The following LAS1L variants were observed in gnomAD, a reference collection of about 807,000 sequenced individuals.
The protein encoded by LAS1L is ribosomal biogenesis protein LAS1L.
LAS1L carries 5 observed loss-of-function variants against 57.3 expected under a neutral mutation model. The ratio of observed to expected loss-of-function variants is 0.09; its 90% CI spans 0.05 to 0.18. The LOEUF (loss-of-function observed/expected upper bound fraction) is 0.18, where lower values mean the gene tolerates loss of function less well. Among genes scored for constraint, LAS1L ranks in the 10% least tolerant of loss-of-function variants. The probability of loss-of-function intolerance (pLI) is 1.00; values close to 1 mark genes in which losing one functional copy is unlikely to be tolerated. For missense variants in LAS1L, 360 were observed against 568.3 expected (o/e 0.63, Z 3.73); for synonymous variants, 245 against 231.7 (o/e 1.06, Z -0.52).
rs766096009 is a variant in LAS1L, at chrX:65,523,952, C to T, written c.1300+104G>A. ...CTTGGGCAAACCTAAACCTTTAACA[C>T]GGGAGGTGTTTGCCTGGTGCTTCTT... is the stretch of plus-strand genomic sequence containing the variant. On this transcript the variant is annotated intron_variant, in intron 10 of 13. Coordinates refer to ENST00000374811, the MANE Select transcript of LAS1L (RefSeq NM_031206.7). 43 of 839,647 alleles carry T rather than the reference C, an allele frequency of 5.1e-5. No homozygotes were observed. In the African/African-American group the frequency reaches 6.5e-4, roughly 13 times the overall value. 69.2% of individuals were successfully genotyped at this position (839,647 alleles called of 1,213,427 possible). A position where few individuals can be genotyped will look rare whatever the true frequency, so the allele number is the denominator to read the frequency against.
At chrX:65,527,073 G>A (rs1178777616) in intron 7 of LAS1L, among the ~76,000 whole-genome samples, 1 of 106,122 alleles carries the variant, frequency 9.4e-6, no homozygotes, top group Non-Finnish European at 1.9e-5. Flanking sequence ...TTAGCCAGGT[G>A]TGGTGGTACG....
chrX:65,525,748 C>CAAAAAAAAAAAAAAAAAAAAA lies in LAS1L; in HGVS notation c.957-699_957-698insTTTTTTTTTTTTTTTTTTTTT, dbSNP rs772564998. ...AGGTCTTCACCAAGGTCTGATTTTT[C>CAAAAAAAAAAAAAAAAAAAAA]AAAAAAAAAAAAAAAAAAAAGAAAG... On this transcript the variant is annotated intron_variant, in intron 7 of 13. Transcript: ENST00000374811. Among the ~76,000 whole-genome samples the CAAAAAAAAAAAAAAAAAAAAA allele has an allele frequency of 1.9e-3, 73 of 38,217 alleles. 2 individuals are homozygous for CAAAAAAAAAAAAAAAAAAAAA. The highest frequency in any genetic ancestry group is 0.021 in the Middle Eastern group (1 of 47). The allele number at this position is 38,217 out of a possible 115,157, so 33.2% of individuals were successfully genotyped here. A position where few individuals can be genotyped will look rare whatever the true frequency, so the allele number is the denominator to read the frequency against.
At chrX:65,524,832 T>G (rs769913449) in intron 8 of LAS1L, 133 bp downstream of exon 8, 1 of 426,404 alleles carries the variant, frequency 2.3e-6, no homozygotes, top group African/African-American at 2.9e-5. Context: ...CCAGGAAGGC[T>G]GAGGGACTTT....
intron 4 of LAS1L, among the ~76,000 whole-genome samples, chrX:65,530,976 C>T (rs1052078104): frequency 3.6e-5 from 4 of 110,980 alleles, no homozygotes; most frequent in African/African-American, 1.3e-4. Context: ...GGGTGAGACT[C>T]GTCTCAAAAC....
intron 5 of LAS1L, 69 bp downstream of exon 5, chrX:65,529,524 TA>T: frequency 9.5e-7 from 1 of 1,056,984 alleles, no homozygotes; most frequent in Non-Finnish European, 1.3e-6. Context: ...GCCAGGGAAA[TA>T]AACAGCGTTA....
chrX:65,517,321 C>T lies in LAS1L; in HGVS notation c.1927+666G>A, dbSNP rs779259261. ...GAAGTGCAGTGGCGCGATCTCGGCT[C>T]ACTGCAAGCTCCACCTCCCAGGTTC... On this transcript the variant is annotated intron_variant, in intron 12 of 13. Transcript: ENST00000374811. 3.7e-5 allele frequency among the ~76,000 whole-genome samples: 4 copies of T among 107,035 alleles called. No individual in the cohort carries two copies. In the East Asian group the frequency reaches 1.2e-3, roughly 31 times the overall value. 92.9% of individuals were successfully genotyped at this position (107,035 alleles called of 115,157 possible). A position where few individuals can be genotyped will look rare whatever the true frequency, so the allele number is the denominator to read the frequency against.
At chrX:65,518,549 C>CT (rs1470575884) in intron 11 of LAS1L, 84 bp from the exon 12 acceptor site, 1 of 1,097,458 alleles carries the variant, frequency 9.1e-7, no homozygotes, top group African/African-American at 1.9e-5. Flanking sequence ...TGAACTTGGT[C>CT]TCTGAACTTC....
rs1410871672 is a variant in LAS1L, at chrX:65,528,268, G to A, written c.948C>T (p.Cys316=). The change falls in exon 7 of 14, where the codon TGC becomes TGT. Residue 316 remains cysteine, a synonymous_variant. Transcript: ENST00000374811. The part of the protein sequence containing the change: ...CVLAELKGVT[C]ENREAVLDAF... ...GTTACCTAGTTACACACCTGTTCTC[G>A]CATGTAACGCCCTTGAGCTCTGCCA... 2.5e-6 allele frequency: 3 copies of A among 1,180,950 alleles called. No individual in the cohort carries two copies. The highest frequency in any genetic ancestry group is 2.3e-6 in the Non-Finnish European group (2 of 871,253).
At chrX:65,514,279 C>T (rs923729849) in intron 13 of LAS1L, among the ~76,000 whole-genome samples, 13 of 110,721 alleles carry the variant, frequency 1.2e-4, no homozygotes, top group Non-Finnish European at 2.1e-4. Context: ...GATCCAGAGG[C>T]GAGTTTTGAG....
In LAS1L at chrX:65,518,178, A is replaced by G. The variant is rs1237163395; in HGVS notation, c.1736T>C (p.Val579Ala). The G allele has an allele frequency of 2.5e-6, 3 of 1,201,297 alleles. No individual in the cohort carries two copies. The South Asian group carries it at 5.3e-5, about 21-fold the overall frequency. The change falls in exon 12 of 14, where the codon GTA becomes GCA. Residue 579 changes from valine to alanine, a missense_variant. This residue lies in a region of LAS1L where 123 missense variants were observed against 168.3 expected (regional missense o/e 0.73). Coordinates refer to ENST00000374811, the MANE Select transcript of LAS1L (RefSeq NM_031206.7). Reference protein sequence around the residue: ...KEEKEVLPDQVEEEEENDDQE... With the variant: ...KEEKEVLPDQAEEEEENDDQE... ...GTCATCATTTTCTTCCTCCTCCTCT[A>G]CCTGGTCTGGCAAGACCTCTTTCTC...
intron 4 of LAS1L, among the ~76,000 whole-genome samples, chrX:65,530,258 G>C (rs995545828): frequency 2.7e-5 from 3 of 112,032 alleles, no homozygotes; most frequent in African/African-American, 9.7e-5. Context: ...ATTCTTAATC[G>C]GGATGGGGTG....
chrX:65,527,932 G>A (rs2069253964), intron 7 of LAS1L, among the ~76,000 whole-genome samples: 1 of 112,367 alleles, frequency 8.9e-6, no homozygotes, highest in Non-Finnish European at 1.9e-5. Flanking sequence ...GCTAGGCAGT[G>A]AGTGAGGTGG....
intron 11 of LAS1L, chrX:65,521,579 G>A (rs2068851180): frequency 8.9e-6 from 1 of 112,152 alleles, no homozygotes; most frequent in Non-Finnish European, 1.9e-5. Flanking sequence ...GATGGGGACT[G>A]AGACGACCAA....
At chrX:65,520,465 G>A (rs2068807173) in intron 11 of LAS1L, 1 of 752,897 alleles carries the variant, frequency 1.3e-6, no homozygotes, top group African/African-American at 2.3e-5. Flanking sequence ...TTTCTCTGGG[G>A]AAAACAAAAG....
chrX:65,523,513 G>A, intron 11 of LAS1L, 47 bp downstream of exon 11: 3 of 1,119,845 alleles, frequency 2.7e-6, no homozygotes, highest in Non-Finnish European at 2.4e-6. Flanking sequence ...TGGCCCTGAG[G>A]CTTGAAGGGC....
rs371394378 is a variant in LAS1L, at chrX:65,518,022, C to T, written c.1892G>A (p.Gly631Glu). ...CTGCCATGCAGAGCCCTGCAAAGCT[C>T]CTCTTTTCTGGGCCAGAAGCCTAGC... Reference protein sequence around the residue: ...ENARLLAQKRGALQGSAWQVS... With the variant: ...ENARLLAQKREALQGSAWQVS... The change falls in exon 12 of 14, where the codon GGA becomes GAA. Residue 631 changes from glycine (G) to glutamate (E), a missense_variant. Gly to Glu is a moderately conservative substitution (Grantham distance 98, BLOSUM62 -2). Around this residue, in one of 7 missense-constraint regions of LAS1L, gnomAD observed 123 missense variants for 168.3 expected, o/e 0.73. Coordinates refer to ENST00000374811, the MANE Select transcript of LAS1L (RefSeq NM_031206.7). 6.6e-6 allele frequency: 8 copies of T among 1,208,726 alleles called. No homozygotes were observed. The highest frequency in any genetic ancestry group is 1.7e-5 in the African/African-American group (1 of 57,277).
intron 12 of LAS1L, among the ~76,000 whole-genome samples, chrX:65,515,964 G>A (rs190007008): frequency 2.7e-5 from 3 of 111,723 alleles, no homozygotes; most frequent in Admixed American, 1.9e-4. Context: ...TCACTGAGAC[G>A]CCTACCACAC....
At chrX:65,513,940 G>C (rs750424353) in intron 13 of LAS1L, among the ~76,000 whole-genome samples, 25 of 112,577 alleles carry the variant, frequency 2.2e-4, no homozygotes, top group African/African-American at 8.0e-4. Flanking sequence ...CAAGAGGCCT[G>C]CTGGCCCATG....
At chrX:65,514,733 T>A (rs1465820279) in intron 13 of LAS1L, 90 bp downstream of exon 13, 1 of 932,351 alleles carries the variant, frequency 1.1e-6, no homozygotes, top group African/African-American at 2.0e-5. Context: ...TGGGGACAGC[T>A]ACCTCCCCCA....
Sources: gnomAD v4.1 joint callset for allele counts (sites outside exome capture counted in the v4.1 genomes callset) on GRCh38, gnomAD v4.1.1 for gene constraint, gnomAD v4.1.1 regional missense constraint, MANE v1.5 for transcripts, NCBI Gene and HGNC (gene_info 2026-07-23, HGNC 2026-07-21) for gene names.